DAAM2: variants seen among roughly 807,000 people sequenced by gnomAD.
The protein encoded by DAAM2 is disheveled-associated activator of morphogenesis 2.
DAAM2 carries 39 observed loss-of-function variants against 120.7 expected under a neutral mutation model. The ratio of observed to expected loss-of-function variants is 0.32; its 90% CI spans 0.25 to 0.42. DAAM2 has a LOEUF of 0.42. Among genes scored for constraint, DAAM2 ranks in the 10% least tolerant of loss-of-function variants. The probability of loss-of-function intolerance (pLI) is 1.00; values close to 1 mark genes in which losing one functional copy is unlikely to be tolerated. For synonymous variants in DAAM2, 488 were observed against 524.9 expected, an observed-to-expected ratio of 0.93 and a Z score of 0.96; for missense variants, 1,283 against 1,401.7, an observed-to-expected ratio of 0.92 and a Z score of 1.35.
intron 6 of DAAM2, 179 bp downstream of exon 6, chr6:39,868,022 A>G (rs866864437): frequency 3.2e-5 from 20 of 616,836 alleles, no homozygotes; most frequent in African/African-American, 1.8e-4. Context: ...GGCTTGCATA[A>G]AAACACATGC....
rs115708591 is a variant in DAAM2, at chr6:39,867,673, C to T, written c.592C>T (p.Pro198Ser). The change falls in exon 6 of 25, where the codon CCT becomes TCT. Residue 198 changes from proline to serine, a missense_variant. This residue lies in a region of DAAM2 where 338 missense variants were observed against 443.9 expected (regional missense o/e 0.76). Transcript: ENST00000274867. ...GGGGCGGGCACATGTGCTGGCACAGCCTGAGGCCATTAGTACCATAGCCCA... is the reference window on the plus strand; with the variant it reads ...GGGGCGGGCACATGTGCTGGCACAGTCTGAGGCCATTAGTACCATAGCCCA... ...SQGRAHVLAQ[P>S]EAISTIAQSL... 8.9e-5 allele frequency: 144 copies of T among 1,614,038 alleles called. No homozygotes were observed. The African/African-American group carries it at 1.6e-3, about 18-fold the overall frequency.
intron 15 of DAAM2, 41 bp from the exon 16 acceptor site, chr6:39,887,445 G>A (rs1270078836): frequency 1.4e-6 from 2 of 1,469,024 alleles, no homozygotes; most frequent in African/African-American, 2.8e-5. Flanking sequence ...GAGGATTAGG[G>A]AACCCACACC....
intron 21 of DAAM2, among the ~76,000 whole-genome samples, chr6:39,898,281 G>C (rs1372954348): frequency 6.6e-6 from 1 of 152,234 alleles, no homozygotes; most frequent in African/African-American, 2.4e-5. Flanking sequence ...GGGCTCTGCA[G>C]GGGCAGGGAA....
At chr6:39,846,540 T>C (rs1275715569) in intron 1 of DAAM2, among the ~76,000 whole-genome samples, 1 of 152,202 alleles carries the variant, frequency 6.6e-6, no homozygotes, top group East Asian at 1.9e-4. Context: ...GTAGCATCTC[T>C]GAGTATTCCC....
chr6:39,831,822 C>G (rs1395532599), intron 1 of DAAM2, among the ~76,000 whole-genome samples: 1 of 36,546 alleles, frequency 2.7e-5, no homozygotes, highest in African/African-American at 1.4e-4. Context: ...AGTGCAGGGA[C>G]CAGAGCACTG....
chr6:39,831,928 C>A (rs558673823), intron 1 of DAAM2, among the ~76,000 whole-genome samples: 1 of 62,088 alleles, frequency 1.6e-5, no homozygotes, highest in African/African-American at 8.8e-5. Flanking sequence ...GGGGCAGATG[C>A]AGTGCGAGGG....
At chr6:39,852,803 GC>G (rs1490492700) in intron 1 of DAAM2, among the ~76,000 whole-genome samples, 1 of 152,176 alleles carries the variant, frequency 6.6e-6, no homozygotes, top group Non-Finnish European at 1.5e-5. Context: ...CAAAGCCTCT[GC>G]TCCCTACCCC....
intron 1 of DAAM2, among the ~76,000 whole-genome samples, chr6:39,842,522 A>C (rs1404435977): frequency 1.3e-5 from 2 of 152,116 alleles, no homozygotes; most frequent in Non-Finnish European, 2.9e-5. Context: ...AAACCCAGCT[A>C]CTTGGGAGGC....
intron 11 of DAAM2, among the ~76,000 whole-genome samples, chr6:39,877,525 T>C (rs926459451): frequency 5.3e-5 from 8 of 152,222 alleles, no homozygotes; most frequent in African/African-American, 9.7e-5. Context: ...CTGTTCTCTA[T>C]GTCCTTGATG....
intron 1 of DAAM2, among the ~76,000 whole-genome samples, chr6:39,854,594 T>C (rs1163874680): frequency 1.3e-5 from 2 of 152,204 alleles, no homozygotes; most frequent in Non-Finnish European, 2.9e-5. Context: ...AGAGGCCAGA[T>C]GAGATTATAC....
At chr6:39,871,648 C>A (rs566527333) in intron 9 of DAAM2, 76 bp downstream of exon 9, 292 of 1,372,088 alleles carry the variant, frequency 2.1e-4, no homozygotes, top group Admixed American at 5.1e-4. Flanking sequence ...CTTTTCTAGA[C>A]CCCGTGTTGT....
chr6:39,831,051 T>C (rs1272735189), intron 1 of DAAM2, among the ~76,000 whole-genome samples: 1 of 152,164 alleles, frequency 6.6e-6, no homozygotes, highest in East Asian at 1.9e-4. Flanking sequence ...CTAAGGCATG[T>C]GGGGAGTTAT....
At chr6:39,834,925 G>T (rs1763049356) in intron 1 of DAAM2, among the ~76,000 whole-genome samples, 1 of 152,174 alleles carries the variant, frequency 6.6e-6, no homozygotes, top group South Asian at 2.1e-4. Flanking sequence ...CTGAGCTCTG[G>T]CATTGCCTTC....
At chr6:39,881,602 A>G (rs964961702) in intron 14 of DAAM2, among the ~76,000 whole-genome samples, 1 of 152,182 alleles carries the variant, frequency 6.6e-6, no homozygotes, top group Non-Finnish European at 1.5e-5. Flanking sequence ...CTGTAATCCC[A>G]GCTACTCTGG....
At chr6:39,825,445 T>TG (rs1411540261) in intron 1 of DAAM2, among the ~76,000 whole-genome samples, 3 of 117,376 alleles carry the variant, frequency 2.6e-5, no homozygotes, top group Admixed American at 8.6e-5. Context: ...GTCGGGGGGT[T>TG]GGTGGGGGGC....
In DAAM2 at chr6:39,856,495, A is replaced by G. The variant is rs773266599; in HGVS notation, c.168+25A>G. On this transcript the variant is annotated intron_variant, in intron 2 of 24. Coordinates refer to ENST00000274867, the MANE Select transcript of DAAM2 (RefSeq NM_001201427.2). ...GGTCAGTGAGAGGGTGGGGAGAGAC[A>G]GTGACAATGGGGAGGAGGGTGGATG... The G allele has an allele frequency of 1.0e-5, 14 of 1,406,672 alleles. No homozygotes were observed. In the African/African-American group the frequency reaches 1.6e-4, roughly 16 times the overall value. 87.1% of individuals were successfully genotyped at this position (1,406,672 alleles called of 1,614,324 possible).
chr6:39,830,404 C>G (rs546454778), intron 1 of DAAM2, among the ~76,000 whole-genome samples: 3 of 152,280 alleles, frequency 2.0e-5, no homozygotes, highest in African/African-American at 7.2e-5. Context: ...CACGCACTCC[C>G]TCCCAGGGAG....
chr6:39,840,934 A>G (rs914101789), intron 1 of DAAM2, among the ~76,000 whole-genome samples: 1 of 141,770 alleles, frequency 7.1e-6, no homozygotes, highest in Non-Finnish European at 1.5e-5. Flanking sequence ...TCCAACAGGA[A>G]GTGAGGCTTG....
intron 8 of DAAM2, 144 bp from the exon 9 acceptor site, chr6:39,871,362 C>A: frequency 2.7e-6 from 2 of 736,682 alleles, no homozygotes; most frequent in Non-Finnish European, 2.4e-6. Context: ...CTACAAACAG[C>A]GGCTTCTTTC....
Sources: gnomAD v4.1 joint callset for allele counts (sites outside exome capture counted in the v4.1 genomes callset) on GRCh38, gnomAD v4.1.1 for gene constraint, gnomAD v4.1.1 regional missense constraint, MANE v1.5 for transcripts, NCBI Gene and HGNC (gene_info 2026-07-23, HGNC 2026-07-21) for gene names.